The following CCDC171 variants were observed in gnomAD, a reference collection of about 807,000 sequenced individuals.
CCDC171 encodes coiled-coil domain containing 171.
In CCDC171, 177 loss-of-function variants were observed where a neutral mutation model predicts 168.2. The observed-to-expected ratio is 1.05, with a 90% CI of 0.93 to 1.19. The LOEUF (loss-of-function observed/expected upper bound fraction) is 1.19. Among genes scored for constraint, CCDC171 ranks in the 50% most tolerant of loss-of-function variants. CCDC171 has a pLI of 0.00. For missense variants in CCDC171, 1,991 were observed against 1,539.0 expected, an observed-to-expected ratio of 1.29 and a Z score of -4.91; for synonymous variants, 687 against 540.8, an observed-to-expected ratio of 1.27 and a Z score of -3.75.
chr9:16,038,738 A>G (rs1286668838), upstream of CCDC171, among the ~76,000 whole-genome samples: 1 of 152,048 alleles, frequency 6.6e-6, no homozygotes, highest in African/African-American at 2.4e-5. Flanking sequence ...AACTAAATGT[A>G]TCTGTTAAAA....
chr9:15,987,879 A>G (rs1322720000), intron 3 of CCDC171, among the ~76,000 whole-genome samples: 4 of 150,596 alleles, frequency 2.7e-5, no homozygotes, highest in Admixed American at 2.0e-4. Flanking sequence ...CCTGAAAGGA[A>G]TTGTATACAA....
At chr9:15,769,193 A>C (rs542241170) in intron 18 of CCDC171, among the ~76,000 whole-genome samples, 4 of 152,250 alleles carry the variant, frequency 2.6e-5, no homozygotes, top group Admixed American at 2.0e-4. Context: ...TAGAAGATGC[A>C]GAAGTTTTTT....
intron 7 of CCDC171, among the ~76,000 whole-genome samples, chr9:15,650,131 G>C (rs200613303): frequency 6.6e-6 from 1 of 152,094 alleles, no homozygotes; most frequent in Non-Finnish European, 1.5e-5. Flanking sequence ...CCATCATTCT[G>C]AGCAAACTAT....
At chr9:15,785,077 A>C (rs2057871071) in intron 21 of CCDC171, among the ~76,000 whole-genome samples, 2 of 151,978 alleles carry the variant, frequency 1.3e-5, no homozygotes, top group African/African-American at 4.8e-5. Context: ...GGATTCTGGA[A>C]GGTTTTGGTC....
At chr9:15,849,063 A>G in intron 23 of CCDC171, 116 bp downstream of exon 23, 1 of 553,646 alleles carries the variant, frequency 1.8e-6, no homozygotes. Context: ...AATTAACAAA[A>G]AGATGCTTTG....
At chr9:15,960,096 A>C in intron 25 of CCDC171, among the ~76,000 whole-genome samples, 1 of 152,218 alleles carries the variant, frequency 6.6e-6, no homozygotes, top group Non-Finnish European at 1.5e-5. Context: ...GGACCAGGGT[A>C]ACTTGACTCA....
chr9:15,638,115 G>C (rs926749289), intron 7 of CCDC171, among the ~76,000 whole-genome samples: 3 of 152,030 alleles, frequency 2.0e-5, no homozygotes, highest in African/African-American at 7.2e-5. Context: ...GATAATACCA[G>C]GTCTCTGCTT....
Position 15,729,734 on chromosome 9 carries a change from G to A in CCDC171, c.1985G>A (p.Arg662Lys), listed in dbSNP as rs774353863. ...QIKAQESCWH[R>K]QKKELELQYS... ...AAAGCCCAAGAGAGCTGCTGGCACA[G>A]ACAAAAGAAGGAACTAGAGCTGCAG... Residue 662 changes from arginine to lysine, a missense_variant, in exon 16 of 26, where the codon AGA becomes AAA. Arg to Lys is a conservative substitution (Grantham distance 26). Coordinates refer to ENST00000380701, the MANE Select transcript of CCDC171 (RefSeq NM_173550.4). 1 of 1,613,420 alleles carries A rather than the reference G, an allele frequency of 6.2e-7. No individual in the cohort carries two copies. Among genetic ancestry groups the A allele is most frequent in the Admixed American group, 1.7e-5 (1 of 59,964 alleles).
the CCDC171 span, among the ~76,000 whole-genome samples, chr9:16,105,028 C>A: frequency 6.6e-6 from 1 of 152,144 alleles, no homozygotes; most frequent in Non-Finnish European, 1.5e-5. Context: ...GTAAGGAAAG[C>A]TCTTGATAAA....
chr9:15,637,459 T>G (rs2046284746), intron 7 of CCDC171, among the ~76,000 whole-genome samples: 1 of 151,844 alleles, frequency 6.6e-6, no homozygotes, highest in Admixed American at 6.6e-5. Context: ...TAAAATTTTT[T>G]TGTTTATTTT....
intron 1 of CCDC171, among the ~76,000 whole-genome samples, chr9:15,560,798 G>A (rs1400911415): frequency 6.6e-6 from 1 of 152,034 alleles, no homozygotes; most frequent in African/African-American, 2.4e-5. Flanking sequence ...TTCTTTTGGA[G>A]GGGGAGAGGC....
chr9:15,741,421 C>A (rs189322811), intron 16 of CCDC171, among the ~76,000 whole-genome samples: 271 of 152,204 alleles, frequency 1.8e-3, no homozygotes, highest in African/African-American at 6.0e-3. Flanking sequence ...TTTCTCTTAG[C>A]GTAATTTTTC....
intron 6 of CCDC171, among the ~76,000 whole-genome samples, chr9:15,608,291 C>G (rs1286193834): frequency 1.3e-5 from 2 of 152,214 alleles, no homozygotes; most frequent in Non-Finnish European, 2.9e-5. Context: ...AACCATAACA[C>G]TGACATTGAG....
In CCDC171 at chr9:15,835,444, T is replaced by A. The variant is rs530854598; in HGVS notation, c.3268-11258T>A. On this transcript the variant is annotated intron_variant, in intron 21 of 25. Transcript: ENST00000380701. ...TTGTATCAATTACATTTTTCTCTTT[T>A]GAGTTGGAGTTTCGCTTTTGTTGCC... Among the ~76,000 whole-genome samples the A allele has an allele frequency of 7.2e-5, 11 of 152,304 alleles. No individual in the cohort carries two copies. In the South Asian group the frequency reaches 2.1e-3, roughly 29 times the overall value.
chr9:15,666,599 T>G (rs1245241725), intron 9 of CCDC171, among the ~76,000 whole-genome samples: 1 of 152,162 alleles, frequency 6.6e-6, no homozygotes, highest in African/African-American at 2.4e-5. Context: ...ATGAGTGATG[T>G]AACGCAATAT....
intron 21 of CCDC171, among the ~76,000 whole-genome samples, chr9:15,845,345 AAGT>A (rs2060850755): frequency 6.6e-6 from 1 of 152,056 alleles, no homozygotes; most frequent in South Asian, 2.1e-4. Flanking sequence ...AATGTCTCAT[AAGT>A]AGTCATAGTT....
intron 8 of CCDC171, among the ~76,000 whole-genome samples, chr9:15,663,794 G>T (rs1307673549): frequency 2.0e-5 from 3 of 151,958 alleles, no homozygotes; most frequent in African/African-American, 7.2e-5. Flanking sequence ...TTTTAGTAGA[G>T]ATGGGGTTTC....
intron 25 of CCDC171, among the ~76,000 whole-genome samples, chr9:15,922,774 G>A (rs373183017): frequency 3.3e-5 from 5 of 151,586 alleles, no homozygotes; most frequent in Admixed American, 6.6e-5. Context: ...CAGGAGTGAG[G>A]TGATATCTCA....
intron 6 of CCDC171, among the ~76,000 whole-genome samples, chr9:15,598,013 G>T (rs913231684): frequency 7.2e-5 from 11 of 151,950 alleles, no homozygotes; most frequent in Non-Finnish European, 1.6e-4. Flanking sequence ...ATTTTTTATT[G>T]TGTCTATTTG....
Sources: gnomAD v4.1 joint callset for allele counts (sites outside exome capture counted in the v4.1 genomes callset) on GRCh38, gnomAD v4.1.1 for gene constraint, MANE v1.5 for transcripts, NCBI Gene and HGNC (gene_info 2026-07-23, HGNC 2026-07-21) for gene names.